TPR: variants seen among roughly 807,000 people sequenced by gnomAD.
The protein encoded by TPR is nucleoprotein TPR.
Under a neutral mutation model 316.1 loss-of-function variants are expected in TPR, and 51 were observed. The observed-to-expected ratio is 0.16, with a 90% confidence interval of 0.13 to 0.20. TPR has a LOEUF of 0.20. Among genes scored for constraint, TPR ranks in the 10% least tolerant of loss-of-function variants. TPR has a pLI of 1.00. For missense variants in TPR, 2,272 were observed against 2,754.8 expected, an observed-to-expected ratio of 0.82 and a Z score of 3.92; for synonymous variants, 981 against 914.7, an observed-to-expected ratio of 1.07 and a Z score of -1.31.
At chr1:186,364,746 A>G (rs777231499) in intron 4 of TPR, among the ~76,000 whole-genome samples, 1 of 152,198 alleles carries the variant, frequency 6.6e-6, no homozygotes, top group Non-Finnish European at 1.5e-5. Context: ...ATCATTGAGA[A>G]AGGTTATATG....
chr1:186,349,408 C>T (rs1658780721), intron 21 of TPR, among the ~76,000 whole-genome samples: 1 of 151,986 alleles, frequency 6.6e-6, no homozygotes, highest in Non-Finnish European at 1.5e-5. Flanking sequence ...AATCCCAGCA[C>T]TTTGGGAGGC....
intron 2 of TPR, among the ~76,000 whole-genome samples, chr1:186,372,529 G>T (rs559038319): frequency 2.0e-5 from 3 of 151,954 alleles, no homozygotes; most frequent in Non-Finnish European, 4.4e-5. Flanking sequence ...GCAACACAGT[G>T]AGACTCTGTC....
chr1:186,315,097 G>A (rs1405309228), intron 49 of TPR, among the ~76,000 whole-genome samples: 13 of 151,750 alleles, frequency 8.6e-5, no homozygotes. Context: ...GAGCCCGGGT[G>A]AGGTTGAGGC....
At chr1:186,347,999 T>G (rs562311563) in intron 21 of TPR, among the ~76,000 whole-genome samples, 19 of 152,296 alleles carry the variant, frequency 1.2e-4, no homozygotes, top group Admixed American at 1.0e-3. Flanking sequence ...ACAAATTGGT[T>G]GTAAAACATG....
At chr1:186,334,595 A>G in intron 35 of TPR, 62 bp from the exon 36 acceptor site, 4 of 1,530,090 alleles carry the variant, frequency 2.6e-6, no homozygotes, top group Non-Finnish European at 3.6e-6. Context: ...ACTTTTAAAA[A>G]CACAGTGAGT....
chr1:186,370,439 T>C (rs2101993068), intron 3 of TPR, among the ~76,000 whole-genome samples: 1 of 152,268 alleles, frequency 6.6e-6, no homozygotes. Context: ...CTAGGTATAC[T>C]ACGAGGCTTT....
intron 17 of TPR, among the ~76,000 whole-genome samples, chr1:186,354,858 A>C (rs1019321229): frequency 3.9e-5 from 6 of 152,110 alleles, no homozygotes; most frequent in Admixed American, 6.6e-5. Context: ...TAATCTTAGG[A>C]AGGTAAACTA....
chr1:186,329,402 A>G (rs933015365), intron 39 of TPR, among the ~76,000 whole-genome samples: 8 of 152,210 alleles, frequency 5.3e-5, no homozygotes, highest in Non-Finnish European at 1.0e-4. Context: ...AGAATTCTGG[A>G]ATATTTGCAT....
chr1:186,369,487 AGTT>A (rs1330426858), intron 3 of TPR, among the ~76,000 whole-genome samples: 2 of 151,998 alleles, frequency 1.3e-5, no homozygotes, highest in African/African-American at 2.4e-5. Flanking sequence ...TTTATTCCTA[AGTT>A]GTTTTTTGAT....
rs574220245 is a variant in TPR, at chr1:186,336,421, T to C, written c.4705+75A>G. 14 of 1,382,610 alleles carry C rather than the reference T, an allele frequency of 1.0e-5. No homozygotes were observed. In the Admixed American group the frequency reaches 1.2e-4, roughly 12 times the overall value. 85.6% of individuals were successfully genotyped at this position (1,382,610 alleles called of 1,614,324 possible). ...TTCATAAGTAGATACCTTTTATTTCTATTCCATTTAGTTTTAGGCCTGCAA... is the reference window on the plus strand; with the variant it reads ...TTCATAAGTAGATACCTTTTATTTCCATTCCATTTAGTTTTAGGCCTGCAA... On this transcript the variant is annotated intron_variant, in intron 33 of 50. Coordinates refer to ENST00000367478, the MANE Select transcript of TPR (RefSeq NM_003292.3).
Position 186,311,942 on chromosome 1 carries a change from T to C in TPR, c.*2029A>G, listed in dbSNP as rs2102037904. 1 of 545,954 alleles carries C rather than the reference T, an allele frequency of 1.8e-6. No homozygotes were observed. The highest frequency in any genetic ancestry group is 3.2e-5 in the Admixed American group (1 of 31,400). 33.8% of individuals were successfully genotyped at this position (545,954 alleles called of 1,614,324 possible). A position where few individuals can be genotyped will look rare whatever the true frequency, so the allele number is the denominator to read the frequency against. ...CAAACTGAGCACTTGTCACTTTCAATTGAAATTAAATATATAACTATGTAA... is the reference window on the plus strand; with the variant it reads ...CAAACTGAGCACTTGTCACTTTCAACTGAAATTAAATATATAACTATGTAA... On this transcript the variant is annotated 3_prime_UTR_variant, in exon 51 of 51. Coordinates refer to ENST00000367478, the MANE Select transcript of TPR (RefSeq NM_003292.3).
Position 186,311,909 on chromosome 1 carries a change from T to C in TPR, c.*2062A>G. On this transcript the variant is annotated 3_prime_UTR_variant, in exon 51 of 51. Transcript: ENST00000367478. ...TCTGTATCATTCCAGTTTTAGTATA[T>C]GTGCTGCCAAACTGAGCACTTGTCA... 1 of 541,514 alleles carries C rather than the reference T, an allele frequency of 1.8e-6. No homozygotes were observed. The highest frequency in any genetic ancestry group is 3.3e-6 in the Non-Finnish European group (1 of 307,224). The allele number at this position is 541,514 out of a possible 1,614,324, so 33.5% of individuals were successfully genotyped here. A position where few individuals can be genotyped will look rare whatever the true frequency, so the allele number is the denominator to read the frequency against.
intron 30 of TPR, 95 bp from the exon 31 acceptor site, chr1:186,338,338 A>G (rs1658401341): frequency 9.4e-7 from 1 of 1,069,510 alleles, no homozygotes; most frequent in South Asian, 1.7e-5. Context: ...TGCTTTAATA[A>G]CTTTTTTTTT....
chr1:186,352,538 C>G (rs1299017980), intron 18 of TPR, among the ~76,000 whole-genome samples: 1 of 152,180 alleles, frequency 6.6e-6, no homozygotes, highest in East Asian at 1.9e-4. Context: ...TCTCCCTCCC[C>G]TCAACCCCAA....
chr1:186,344,158 G>A, intron 25 of TPR, 68 bp from the exon 26 acceptor site: 3 of 1,525,866 alleles, frequency 2.0e-6, no homozygotes, highest in Non-Finnish European at 2.6e-6. Flanking sequence ...AACTTGGCCA[G>A]GCGCGGTGGC....
chr1:186,368,072 G>A, intron 3 of TPR, 90 bp from the exon 4 acceptor site: 1 of 842,856 alleles, frequency 1.2e-6, no homozygotes, highest in Middle Eastern at 3.3e-4. Context: ...AACATCAGCT[G>A]TAGTGTAAAT....
intron 29 of TPR, 107 bp from the exon 30 acceptor site, chr1:186,339,879 G>T: frequency 2.2e-6 from 2 of 915,714 alleles, no homozygotes; most frequent in Non-Finnish European, 3.0e-6. Context: ...TGTCCTGCAT[G>T]TAAAGTAATC....
At position 186,335,559 on chromosome 1, in the gene TPR, G is replaced by GGCGATTA. The variant is rs770212255; in HGVS notation, c.4706-23_4706-17dup. On this transcript the variant is annotated splice_polypyrimidine_tract_variant and intron_variant, in intron 33 of 50. Transcript: ENST00000367478. The stretch of plus-strand genomic sequence containing the variant: ...TCTTTTACACCTAAAGAAGTAACCA[G>GGCGATTA]GCGATTATATTAATATTATAATCAA... 9 of 1,553,012 alleles carry GGCGATTA rather than the reference G, an allele frequency of 5.8e-6. No homozygotes were observed. In the South Asian group the frequency reaches 1.1e-4, roughly 19 times the overall value.
intron 3 of TPR, among the ~76,000 whole-genome samples, 182 bp from the exon 4 acceptor site, chr1:186,368,164 TA>T (rs1458164798): frequency 6.6e-6 from 1 of 152,246 alleles, no homozygotes; most frequent in Non-Finnish European, 1.5e-5. Flanking sequence ...TTTGGATTTT[TA>T]AAACATTTTT....
Sources: allele counts gnomAD v4.1 joint callset (sites outside exome capture counted in the v4.1 genomes callset), GRCh38; gene constraint gnomAD v4.1.1; transcripts MANE v1.5; gene names NCBI Gene and HGNC (gene_info 2026-07-23, HGNC 2026-07-21).